NEK1: variants seen among roughly 807,000 people sequenced by gnomAD.
NEK1 encodes NIMA related kinase 1.
NEK1 carries 137 observed loss-of-function variants against 182.1 expected under a neutral mutation model. The observed-to-expected ratio is 0.75, with a 90% CI of 0.65 to 0.87. The LOEUF (loss-of-function observed/expected upper bound fraction) is 0.87. Ranked by LOEUF, NEK1 falls within the 40% of genes least tolerant of loss-of-function variation. The probability of loss-of-function intolerance (pLI) is 0.00; values close to 1 mark genes in which losing one functional copy is unlikely to be tolerated. For missense variants in NEK1, 1,391 were observed against 1,494.4 expected, an observed-to-expected ratio of 0.93 and a Z score of 1.14; for synonymous variants, 513 against 492.2, an observed-to-expected ratio of 1.04 and a Z score of -0.56.
chr4:169,539,139 C>T (rs534351952), intron 18 of NEK1, among the ~76,000 whole-genome samples: 1 of 152,242 alleles, frequency 6.6e-6, no homozygotes, highest in South Asian at 2.1e-4. Context: ...GTAGCTAAAT[C>T]TTAATCTAGT....
chr4:169,406,832 T>C, intron 31 of NEK1, 85 bp from the exon 32 acceptor site: 1 of 1,119,232 alleles, frequency 8.9e-7, no homozygotes, highest in Non-Finnish European at 1.3e-6. Flanking sequence ...AATCACAATT[T>C]TGTTACATAT....
At chr4:169,500,189 C>A (rs1752167752) in intron 23 of NEK1, among the ~76,000 whole-genome samples, 1 of 152,184 alleles carries the variant, frequency 6.6e-6, no homozygotes, top group African/African-American at 2.4e-5. Flanking sequence ...GGGCATAGGA[C>A]CCTCTGAGCC....
chr4:169,445,845 T>TATAC (rs1561200290), intron 27 of NEK1, among the ~76,000 whole-genome samples: 1 of 87,110 alleles, frequency 1.1e-5, no homozygotes, highest in African/African-American at 4.9e-5. Context: ...AAAACAACTA[T>TATAC]ATACATATAT....
rs1406885038 is a variant in NEK1 at position 169,455,966 on chromosome 4, C to A, written c.2587+7277G>T. On this transcript the variant is annotated intron_variant, in intron 27 of 35. Coordinates refer to ENST00000507142, the MANE Select transcript of NEK1 (RefSeq NM_001199397.3). Reference sequence around the variant, plus strand: ...CAAGGATAGAACATATGTTAGATCACAAAACAAGTCTTAAAACATTCAAAA... The same window carrying A: ...CAAGGATAGAACATATGTTAGATCAAAAAACAAGTCTTAAAACATTCAAAA... Among the ~76,000 whole-genome samples, 3 of 152,070 alleles carry A rather than the reference C, an allele frequency of 2.0e-5. No homozygotes were observed. The East Asian group carries it at 5.8e-4, about 29-fold the overall frequency.
At chr4:169,492,350 C>A (rs948514826) in intron 23 of NEK1, among the ~76,000 whole-genome samples, 1 of 152,116 alleles carries the variant, frequency 6.6e-6, no homozygotes, top group South Asian at 2.1e-4. Flanking sequence ...GGAGTACCCA[C>A]GTGAAGAAGA....
In NEK1 at chr4:169,424,610, G is replaced by A. The variant is rs894574403; in HGVS notation, c.3165C>T (p.Asn1055=). The A allele has an allele frequency of 3.1e-6, 5 of 1,612,576 alleles. No homozygotes were observed. Among genetic ancestry groups the A allele is most frequent in the Non-Finnish European group, 4.2e-6 (5 of 1,178,970 alleles). Residue 1055 remains asparagine (N), a synonymous_variant, in exon 31 of 36, where the codon AAC becomes AAT. Transcript: ENST00000507142. The stretch of plus-strand genomic sequence containing the variant: ...AAAGTCCAATCAGCAAGGAATTCTT[G>A]TTTTTATTTTTTGGTGGTAAATGCG... ...SHSHLPPKNK[N]KNSLLIGLST... is the part of the protein sequence containing the mutation.
At chr4:169,564,520 C>T (rs1334444534) in intron 12 of NEK1, among the ~76,000 whole-genome samples, 1 of 151,916 alleles carries the variant, frequency 6.6e-6, no homozygotes, top group Admixed American at 6.6e-5. Flanking sequence ...AAATTCTAAC[C>T]CTGAAAAGCA....
Position 169,472,692 on chromosome 4 carries a change from G to A in NEK1, c.2434+4432C>T, listed in dbSNP as rs868831489. The stretch of plus-strand genomic sequence containing the variant: ...TCAGAGGTGCTCTCAATCATCTCCA[G>A]CCCCACCATCTCAGAGATCTCACAA... On this transcript the variant is annotated intron_variant, in intron 26 of 35. Coordinates refer to ENST00000507142, the MANE Select transcript of NEK1 (RefSeq NM_001199397.3). Among the ~76,000 whole-genome samples the A allele has an allele frequency of 9.9e-5, 15 of 152,196 alleles. No individual in the cohort carries two copies. In the South Asian group the frequency reaches 1.7e-3, roughly 17 times the overall value.
chr4:169,507,634 C>T lies in NEK1; in HGVS notation c.1911+81G>A. 4.2e-6 allele frequency: 4 copies of T among 950,844 alleles called. No individual in the cohort carries two copies. In the South Asian group the frequency reaches 6.5e-5, roughly 15 times the overall value. 58.9% of individuals were successfully genotyped at this position (950,844 alleles called of 1,614,324 possible). On this transcript the variant is annotated intron_variant, in intron 22 of 35. Coordinates refer to ENST00000507142, the MANE Select transcript of NEK1 (RefSeq NM_001199397.3). Reference sequence around the variant, plus strand: ...AAAGGAAGAGACTAAAGTGATATAACTATGCAAAACTTAAGAACACAATTT... The same window carrying T: ...AAAGGAAGAGACTAAAGTGATATAATTATGCAAAACTTAAGAACACAATTT...
intron 3 of NEK1, 24 bp from the exon 4 acceptor site, chr4:169,602,128 T>C (rs766751677): frequency 2.4e-5 from 36 of 1,521,632 alleles, no homozygotes; most frequent in South Asian, 1.1e-4. Context: ...AAAAAGAAAA[T>C]AGTAAATGAA....
chr4:169,457,234 C>T (rs914127368), intron 27 of NEK1, among the ~76,000 whole-genome samples: 2 of 151,998 alleles, frequency 1.3e-5, no homozygotes, highest in African/African-American at 4.8e-5. Context: ...GTTTGTAATA[C>T]AAAGAAAGGA....
chr4:169,465,848 G>A (rs569929130), intron 26 of NEK1, among the ~76,000 whole-genome samples: 1 of 152,170 alleles, frequency 6.6e-6, no homozygotes, highest in Admixed American at 6.6e-5. Flanking sequence ...GCCAAGCTAT[G>A]CACAGGTAAC....
At chr4:169,447,865 T>C (rs573401296) in intron 27 of NEK1, among the ~76,000 whole-genome samples, 1 of 152,086 alleles carries the variant, frequency 6.6e-6, no homozygotes, top group Non-Finnish European at 1.5e-5. Flanking sequence ...TGAGACTCTG[T>C]CTCAAAAAAT....
intron 23 of NEK1, among the ~76,000 whole-genome samples, chr4:169,480,261 A>G (rs1323605333): frequency 6.6e-6 from 1 of 152,078 alleles, no homozygotes; most frequent in Non-Finnish European, 1.5e-5. Context: ...AAATACAGTA[A>G]TAATACAATC....
rs747236398 is a variant in NEK1, at chr4:169,424,804, T to C, written c.2975-4A>G. 1 of 1,600,592 alleles carries C rather than the reference T, an allele frequency of 6.2e-7. No individual in the cohort carries two copies. The highest frequency in any genetic ancestry group is 1.1e-5 in the South Asian group (1 of 90,332). Reference sequence around the variant, plus strand: ...TGAGAATCATTGGTTCCAGGCTCTGTGGTAGAAAGGAGAGATTATGTGGTA... The same window carrying C: ...TGAGAATCATTGGTTCCAGGCTCTGCGGTAGAAAGGAGAGATTATGTGGTA... On this transcript the variant is annotated splice_polypyrimidine_tract_variant and splice_region_variant and intron_variant, in intron 30 of 35. Coordinates refer to ENST00000507142, the MANE Select transcript of NEK1 (RefSeq NM_001199397.3).
At chr4:169,537,204 G>A (rs1298815221) in intron 19 of NEK1, among the ~76,000 whole-genome samples, 1 of 152,092 alleles carries the variant, frequency 6.6e-6, no homozygotes, top group Non-Finnish European at 1.5e-5. Flanking sequence ...ACTATGAAGA[G>A]TTTTAACTAC....
intron 18 of NEK1, among the ~76,000 whole-genome samples, chr4:169,547,156 T>A (rs996683286): frequency 2.0e-5 from 3 of 152,240 alleles, no homozygotes; most frequent in Non-Finnish European, 4.4e-5. Context: ...GGAGCTCTTG[T>A]AAGGCAAGCC....
intron 2 of NEK1, among the ~76,000 whole-genome samples, chr4:169,604,298 GA>G (rs773564985): frequency 9.2e-5 from 14 of 152,190 alleles, no homozygotes; most frequent in Non-Finnish European, 2.1e-4. Flanking sequence ...AATTTCAAAA[GA>G]GTGGTAGTTT....
intron 20 of NEK1, among the ~76,000 whole-genome samples, chr4:169,508,537 T>C (rs1429863064): frequency 6.6e-6 from 1 of 152,150 alleles, no homozygotes; most frequent in Non-Finnish European, 1.5e-5. Flanking sequence ...AAATACATTA[T>C]AAAATTACAA....
Sources: gnomAD v4.1 joint callset for allele counts (sites outside exome capture counted in the v4.1 genomes callset) on GRCh38, gnomAD v4.1.1 for gene constraint, MANE v1.5 for transcripts, NCBI Gene and HGNC (gene_info 2026-07-23, HGNC 2026-07-21) for gene names.